STAU2: variants seen among roughly 807,000 people sequenced by gnomAD.
The protein encoded by STAU2 is staufen double-stranded RNA binding protein 2, also known as double-stranded RNA-binding protein Staufen homolog 2.
In STAU2, 20 loss-of-function variants were observed where a neutral mutation model predicts 65.9. The ratio of observed to expected loss-of-function variants is 0.30; its 90% CI spans 0.21 to 0.44. The LOEUF (loss-of-function observed/expected upper bound fraction) is 0.44, where lower values mean the gene tolerates loss of function less well. STAU2 is among the 20% of genes least tolerant of loss of function. The pLI is 1.00. For synonymous variants in STAU2, 232 were observed against 233.9 expected, an observed-to-expected ratio of 0.99 and a Z score of 0.07; for missense variants, 558 against 683.9, an observed-to-expected ratio of 0.82 and a Z score of 2.05.
At position 73,721,182 on chromosome 8, in the gene STAU2, C is replaced by A. The variant is rs538311230; in HGVS notation, c.-17-12020G>T. 9.8e-5 allele frequency among the ~76,000 whole-genome samples: 14 copies of A among 143,106 alleles called. No homozygotes were observed. In the East Asian group the frequency reaches 1.7e-3, roughly 17 times the overall value. 93.9% of individuals were successfully genotyped at this position (143,106 alleles called of 152,430 possible). A position where few individuals can be genotyped will look rare whatever the true frequency, so the allele number is the denominator to read the frequency against. On this transcript the variant is annotated intron_variant, in intron 3 of 14. Transcript: ENST00000524300. The stretch of plus-strand genomic sequence containing the variant: ...GCACACATTTATAGTCCTAGATACT[C>A]GGGGAGCAGAAATGGGAGGATTGTT...
At chr8:73,664,864 C>T (rs1358273602) in intron 6 of STAU2, among the ~76,000 whole-genome samples, 20 of 151,916 alleles carry the variant, frequency 1.3e-4, no homozygotes, top group Admixed American at 1.1e-3. Context: ...TGGTGGCATG[C>T]GCCTGTAGTC....
At chr8:73,437,030 A>G (rs1363841639) in intron 13 of STAU2, among the ~76,000 whole-genome samples, 4 of 152,196 alleles carry the variant, frequency 2.6e-5, no homozygotes, top group Non-Finnish European at 5.9e-5. Context: ...TCCTATGCGA[A>G]CATTTCCTTG....
chr8:73,582,852 T>C, intron 11 of STAU2, 22 bp from the exon 12 acceptor site: 1 of 1,601,008 alleles, frequency 6.2e-7, no homozygotes, highest in Non-Finnish European at 8.5e-7. Context: ...AATCAATCGT[T>C]CAAATCCAGA....
chr8:73,670,994 C>T (rs1817630412), intron 6 of STAU2, among the ~76,000 whole-genome samples: 1 of 152,018 alleles, frequency 6.6e-6, no homozygotes, highest in African/African-American at 2.4e-5. Flanking sequence ...GGTTAACATC[C>T]TCAACACATA....
At chr8:73,740,725 G>A (rs1018007123) in intron 1 of STAU2, among the ~76,000 whole-genome samples, 11 of 152,092 alleles carry the variant, frequency 7.2e-5, no homozygotes, top group African/African-American at 2.2e-4. Flanking sequence ...TTACTGGTCG[G>A]GTGTAGTGGC....
chr8:73,558,378 G>A (rs1055607364), intron 12 of STAU2, among the ~76,000 whole-genome samples: 1 of 152,136 alleles, frequency 6.6e-6, no homozygotes, highest in African/African-American at 2.4e-5. Context: ...CTTAACACCA[G>A]GCTATTGTAC....
chr8:73,615,699 C>T lies in STAU2; in HGVS notation c.654G>A (p.Lys218=), dbSNP rs571026183. ...CCTCAAAACTGACAGGCATATTTCG[C>T]TTCAGAGCAATTTCAAACACTAAGC... is the stretch of plus-strand genomic sequence containing the variant. The part of the protein sequence containing the change: ...EISLVFEIAL[K]RNMPVSFEVI... Residue 218 remains lysine, a synonymous_variant, in exon 8 of 15, where the codon AAG becomes AAA. Transcript: ENST00000524300. 7.4e-6 allele frequency: 12 copies of T among 1,613,876 alleles called. No individual in the cohort carries two copies. The East Asian group carries it at 2.2e-4, about 30-fold the overall frequency.
chr8:73,683,679 G>A (rs539059386), intron 5 of STAU2, among the ~76,000 whole-genome samples: 2 of 152,284 alleles, frequency 1.3e-5, no homozygotes, highest in Non-Finnish European at 2.9e-5. Context: ...GTTGCTGTTT[G>A]CTGATGATAT....
chr8:73,551,596 A>C (rs555564915), intron 13 of STAU2: 47 of 989,426 alleles, frequency 4.8e-5, no homozygotes, highest in Non-Finnish European at 5.4e-5. Context: ...ATAAAGGTAA[A>C]ATCATCATAA....
chr8:73,710,695 T>C (rs1820833017), intron 3 of STAU2, among the ~76,000 whole-genome samples: 1 of 152,034 alleles, frequency 6.6e-6, no homozygotes, highest in African/African-American at 2.4e-5. Flanking sequence ...CTCTCATTTA[T>C]AGACACATTT....
intron 13 of STAU2, among the ~76,000 whole-genome samples, chr8:73,506,623 T>G (rs1822083383): frequency 6.6e-6 from 1 of 152,160 alleles, no homozygotes; most frequent in Non-Finnish European, 1.5e-5. Flanking sequence ...TGCTGACTGA[T>G]CAGGGTGGTG....
Position 73,592,396 on chromosome 8 carries a change from A to G in STAU2, c.1161+2770T>C, listed in dbSNP as rs1255169897. On this transcript the variant is annotated intron_variant, in intron 11 of 14. Coordinates refer to ENST00000524300, the MANE Select transcript of STAU2 (RefSeq NM_001164380.2). ...ACTAGTAAATTCAACAACTTAGATG[A>G]AATCAACTAATTCTTTGAAAGACTA... 2.0e-5 allele frequency among the ~76,000 whole-genome samples: 3 copies of G among 152,134 alleles called. No individual in the cohort carries two copies. The East Asian group carries it at 5.8e-4, about 29-fold the overall frequency.
intron 13 of STAU2, among the ~76,000 whole-genome samples, chr8:73,530,845 G>GTAAC (rs5892427): frequency 0.37 from 55,942 of 151,752 alleles, 11,328 homozygotes; most frequent in Non-Finnish European, 0.46. Context: ...GCCAGCCAAA[G>GTAAC]TAACACTCAC....
chr8:73,693,894 C>G (rs1482377725), intron 4 of STAU2, among the ~76,000 whole-genome samples: 1 of 152,146 alleles, frequency 6.6e-6, no homozygotes, highest in Non-Finnish European at 1.5e-5. Flanking sequence ...TGTAAACACC[C>G]CCACTTGAAA....
At chr8:73,708,970 T>C (rs1419222540) in intron 4 of STAU2, 62 bp downstream of exon 4, 2 of 1,405,680 alleles carry the variant, frequency 1.4e-6, no homozygotes, top group Non-Finnish European at 1.9e-6. Flanking sequence ...ACGATTAAAA[T>C]CTGAGATGAT....
chr8:73,688,423 C>T (rs1359145549), intron 5 of STAU2, among the ~76,000 whole-genome samples: 4 of 152,026 alleles, frequency 2.6e-5, no homozygotes, highest in Non-Finnish European at 5.9e-5. Context: ...GCCTCGGCCT[C>T]CCAAAGTGCT....
chr8:73,698,266 A>G (rs12675462), intron 4 of STAU2, among the ~76,000 whole-genome samples: 6 of 152,154 alleles, frequency 3.9e-5, no homozygotes, highest in Non-Finnish European at 8.8e-5. Context: ...ACTGAAAACC[A>G]CCAGAAAACA....
intron 6 of STAU2, among the ~76,000 whole-genome samples, chr8:73,664,219 T>C (rs1817063664): frequency 6.6e-6 from 1 of 152,162 alleles, no homozygotes; most frequent in South Asian, 2.1e-4. Context: ...AGATGGGGTT[T>C]GGTCATGTTT....
intron 3 of STAU2, among the ~76,000 whole-genome samples, chr8:73,726,008 G>T (rs1425895360): frequency 6.9e-6 from 1 of 144,618 alleles, no homozygotes; most frequent in Non-Finnish European, 1.5e-5. Context: ...GCGTGGTTAG[G>T]TTTTTTTTTT....
Sources: gnomAD v4.1 joint callset for allele counts (sites outside exome capture counted in the v4.1 genomes callset) on GRCh38, gnomAD v4.1.1 for gene constraint, MANE v1.5 for transcripts, NCBI Gene and HGNC (gene_info 2026-07-23, HGNC 2026-07-21) for gene names.